The following UQCRB variants were observed in gnomAD, a reference collection of about 807,000 sequenced individuals.
UQCRB encodes the protein cytochrome b-c1 complex subunit 7.
Under a neutral mutation model 19.8 loss-of-function variants are expected in UQCRB, and 12 were observed. That is an observed-to-expected ratio of 0.61 (90% CI 0.39 to 0.98). The LOEUF is 0.98. UQCRB is among the 50% of genes least tolerant of loss of function. The pLI, the probability that UQCRB is intolerant of heterozygous loss-of-function variation, is 0.00. For synonymous variants in UQCRB, 39 were observed against 42.9 expected, an observed-to-expected ratio of 0.91 and a Z score of 0.35; for missense variants, 142 against 131.8, an observed-to-expected ratio of 1.08 and a Z score of -0.38.
In UQCRB at chr8:96,229,521, T is replaced by C. The variant is rs776636532; in HGVS notation, c.*1534A>G. 8 of 453,910 alleles carry C rather than the reference T, an allele frequency of 1.8e-5. No homozygotes were observed. Among genetic ancestry groups the C allele is most frequent in the Middle Eastern group, 6.8e-4 (1 of 1,466 alleles). The allele number at this position is 453,910 out of a possible 1,614,324, so 28.1% of individuals were successfully genotyped here. A position where few individuals can be genotyped will look rare whatever the true frequency, so the allele number is the denominator to read the frequency against. Reference sequence around the variant, plus strand: ...GAGTCCTGCAAACGTGATCTTGAAATCACTATTAAAAGAGCCTTTGCAGAG... The same window carrying C: ...GAGTCCTGCAAACGTGATCTTGAAACCACTATTAAAAGAGCCTTTGCAGAG... On this transcript the variant is annotated 3_prime_UTR_variant, in exon 4 of 4. Coordinates refer to ENST00000287022, the MANE Select transcript of UQCRB (RefSeq NM_006294.5).
intron 1 of UQCRB, chr8:96,233,457 G>A (rs1809724166): frequency 4.1e-6 from 2 of 490,918 alleles, no homozygotes; most frequent in African/African-American, 2.0e-5. Flanking sequence ...TTTTATTTAT[G>A]AGCAAAAGTG....
At position 96,230,023 on chromosome 8, in the gene UQCRB, C is replaced by T. The variant is rs1220913111; in HGVS notation, c.*1032G>A. ...TCTACTAGCTGTGGCTCCACACTCTCACCTCTACCAAAGAAAGCATTTCAG... is the reference window on the plus strand; with the variant it reads ...TCTACTAGCTGTGGCTCCACACTCTTACCTCTACCAAAGAAAGCATTTCAG... On this transcript the variant is annotated 3_prime_UTR_variant, in exon 4 of 4. Transcript: ENST00000287022. 2.2e-6 allele frequency: 1 copy of T among 454,122 alleles called. No individual in the cohort carries two copies. The highest frequency in any genetic ancestry group is 1.6e-5 in the South Asian group (1 of 64,482). The allele number at this position is 454,122 out of a possible 1,614,324, so 28.1% of individuals were successfully genotyped here. A position where few individuals can be genotyped will look rare whatever the true frequency, so the allele number is the denominator to read the frequency against.
chr8:96,235,190 G>A, intron 1 of UQCRB: 1 of 518,228 alleles, frequency 1.9e-6, no homozygotes, highest in Non-Finnish European at 3.5e-6. Context: ...TCATCCACTA[G>A]TTATCCTCTT....
Position 96,228,449 on chromosome 8 carries a change from GT to G in UQCRB, c.*2605del. 1 of 454,078 alleles carries G rather than the reference GT, an allele frequency of 2.2e-6. No homozygotes were observed. The highest frequency in any genetic ancestry group is 1.6e-5 in the South Asian group (1 of 64,482). The allele number at this position is 454,078 out of a possible 1,614,324, so 28.1% of individuals were successfully genotyped here. ...TCCAGCAGGTACTTCACTCAAGGAG[GT>G]GACACCCAAGGGGAGTAGATGAACC... is the stretch of plus-strand genomic sequence containing the variant. On this transcript the variant is annotated 3_prime_UTR_variant, in exon 4 of 4. Coordinates refer to ENST00000287022, the MANE Select transcript of UQCRB (RefSeq NM_006294.5).
In UQCRB at chr8:96,230,529, T is replaced by G. The variant is rs989106374; in HGVS notation, c.*526A>C. On this transcript the variant is annotated 3_prime_UTR_variant, in exon 4 of 4. Transcript: ENST00000287022. ...TATGATTTGTCTTTATACTTTTATT[T>G]TTCTAACATCTTTTTGTTTTCTAGT... 3 of 453,740 alleles carry G rather than the reference T, an allele frequency of 6.6e-6. No individual in the cohort carries two copies. The highest frequency in any genetic ancestry group is 6.0e-5 in the African/African-American group (3 of 49,954). 28.1% of individuals were successfully genotyped at this position (453,740 alleles called of 1,614,324 possible).
Position 96,235,445 on chromosome 8 carries a change from G to C in UQCRB, c.19+67C>G, listed in dbSNP as rs2129831459. The C allele has an allele frequency of 3.1e-6, 5 of 1,610,922 alleles. No homozygotes were observed. The South Asian group carries it at 5.5e-5, about 18-fold the overall frequency. On this transcript the variant is annotated intron_variant, in intron 1 of 3. Transcript: ENST00000287022. ...ACTTACAAAGAAGAGAGAAAACGGAGCAAGCTGCAGCAAAAATAAACGGTG... is the reference window on the plus strand; with the variant it reads ...ACTTACAAAGAAGAGAGAAAACGGACCAAGCTGCAGCAAAAATAAACGGTG...
At position 96,224,554 on chromosome 8, in the gene UQCRB, A is replaced by C. The variant is rs989501129; in HGVS notation, c.*6501T>G. 6.6e-6 allele frequency among the ~76,000 whole-genome samples: 1 copy of C among 152,212 alleles called. No individual in the cohort carries two copies. The highest frequency in any genetic ancestry group is 6.5e-5 in the Admixed American group (1 of 15,280). The stretch of plus-strand genomic sequence containing the variant: ...ACAGCCAACGTCTCACAGAATGAGA[A>C]GCCACAGAAGGGGCTGATTACCAGG... On this transcript the variant is annotated 3_prime_UTR_variant, in exon 4 of 4. Transcript: ENST00000287022.
At chr8:96,234,475 C>T in intron 1 of UQCRB, 1 of 1,288,324 alleles carries the variant, frequency 7.8e-7, no homozygotes. Flanking sequence ...GAGATCTGGT[C>T]TATGTAGTTC....
At chr8:96,231,448 G>A in intron 3 of UQCRB, 3 of 1,535,852 alleles carry the variant, frequency 2.0e-6, no homozygotes, top group Non-Finnish European at 2.6e-6. Context: ...GGGATCTGGA[G>A]GGACACTCAA....
At position 96,229,935 on chromosome 8, in the gene UQCRB, T is replaced by C; in HGVS notation, c.*1120A>G. 2.2e-6 allele frequency: 1 copy of C among 454,172 alleles called. No homozygotes were observed. Among genetic ancestry groups the C allele is most frequent in the Non-Finnish European group, 4.4e-6 (1 of 226,800 alleles). 28.1% of individuals were successfully genotyped at this position (454,172 alleles called of 1,614,324 possible). On this transcript the variant is annotated 3_prime_UTR_variant, in exon 4 of 4. Transcript: ENST00000287022. ...TTTGTTATTTGAGGTAAGGCATTCC[T>C]GCCACACACAGCAATGACTTGTCCT...
In UQCRB at chr8:96,229,639, A is replaced by G; in HGVS notation, c.*1416T>C. ...TGGCCTCCTTCTGCAAAGTAGGACT[A>G]CATTAAAACCTTGTCACAATGTGAC... On this transcript the variant is annotated 3_prime_UTR_variant, in exon 4 of 4. Coordinates refer to ENST00000287022, the MANE Select transcript of UQCRB (RefSeq NM_006294.5). The G allele has an allele frequency of 2.2e-6, 1 of 454,104 alleles. No individual in the cohort carries two copies. Among genetic ancestry groups the G allele is most frequent in the Non-Finnish European group, 4.4e-6 (1 of 226,792 alleles). The allele number at this position is 454,104 out of a possible 1,614,324, so 28.1% of individuals were successfully genotyped here. A position where few individuals can be genotyped will look rare whatever the true frequency, so the allele number is the denominator to read the frequency against.
chr8:96,231,399 G>T, intron 3 of UQCRB: 1 of 1,537,806 alleles, frequency 6.5e-7, no homozygotes, highest in Non-Finnish European at 8.7e-7. Context: ...TTTCAATGCA[G>T]TTCAAGGGGT....
At position 96,228,858 on chromosome 8, in the gene UQCRB, C is replaced by T. The variant is rs1429094219; in HGVS notation, c.*2197G>A. ...GGACAATGTAGACCAGACTACAGGA[C>T]AATGTAGATTTGGTCTACAGGACAA... On this transcript the variant is annotated 3_prime_UTR_variant, in exon 4 of 4. Coordinates refer to ENST00000287022, the MANE Select transcript of UQCRB (RefSeq NM_006294.5). The T allele has an allele frequency of 1.1e-5, 5 of 453,932 alleles. No homozygotes were observed. Among genetic ancestry groups the T allele is most frequent in the African/African-American group, 1.0e-4 (5 of 49,984 alleles). The allele number at this position is 453,932 out of a possible 1,614,324, so 28.1% of individuals were successfully genotyped here.
Position 96,225,287 on chromosome 8 carries a change from C to G in UQCRB, c.*5768G>C, listed in dbSNP as rs531288381. On this transcript the variant is annotated 3_prime_UTR_variant, in exon 4 of 4. Coordinates refer to ENST00000287022, the MANE Select transcript of UQCRB (RefSeq NM_006294.5). ...ACAAGAAACTCTCCAACCAAATTCA[C>G]AAAGATTGCTTTTAATGAGAGCACT... 1.3e-5 allele frequency among the ~76,000 whole-genome samples: 2 copies of G among 152,316 alleles called. No individual in the cohort carries two copies. The highest frequency in any genetic ancestry group is 4.1e-4 in the South Asian group (2 of 4,830).
At position 96,228,827 on chromosome 8, in the gene UQCRB, T is replaced by G; in HGVS notation, c.*2228A>C. 2.2e-6 allele frequency: 1 copy of G among 454,046 alleles called. No homozygotes were observed. The highest frequency in any genetic ancestry group is 4.4e-6 in the Non-Finnish European group (1 of 226,780). 28.1% of individuals were successfully genotyped at this position (454,046 alleles called of 1,614,324 possible). ...AGCTCTGAATCACTCTACCATTCGG[T>G]CTACAGGACAATGTAGACCAGACTA... On this transcript the variant is annotated 3_prime_UTR_variant, in exon 4 of 4. Coordinates refer to ENST00000287022, the MANE Select transcript of UQCRB (RefSeq NM_006294.5).
In UQCRB at chr8:96,229,813, A is replaced by G. The variant is rs1213162455; in HGVS notation, c.*1242T>C. On this transcript the variant is annotated 3_prime_UTR_variant, in exon 4 of 4. Transcript: ENST00000287022. Reference sequence around the variant, plus strand: ...GGTTCCTAGAGAATTTAAGAGGCTAATATTTTAGCAAAAATTTAAAGATGC... The same window carrying G: ...GGTTCCTAGAGAATTTAAGAGGCTAGTATTTTAGCAAAAATTTAAAGATGC... 4 of 453,776 alleles carry G rather than the reference A, an allele frequency of 8.8e-6. No homozygotes were observed. Among genetic ancestry groups the G allele is most frequent in the Non-Finnish European group, 1.3e-5 (3 of 226,764 alleles). The allele number at this position is 453,776 out of a possible 1,614,324, so 28.1% of individuals were successfully genotyped here.
rs779989917 is a variant in UQCRB, at chr8:96,231,090, C to G, written c.301G>C (p.Glu101Gln). The change falls in exon 4 of 4, where the codon GAA (glutamate) becomes CAA (glutamine). Residue 101 changes from glutamate to glutamine, a missense_variant. By Grantham distance (29) the Glu-to-Gln change is conservative (BLOSUM62 2). This residue lies in a region of UQCRB where 10 missense variants were observed against 24.4 expected (regional missense o/e 0.41). Transcript: ENST00000287022. ...GCCCATTCTTCTCTTTCTTTTCTTT[C>G]CCGAATAACCTCTTTCAGATACGGT... Reference protein sequence around the residue: ...LEPYLKEVIRERKEREEWAKK With the variant: ...LEPYLKEVIRQRKEREEWAKK 4 of 1,613,930 alleles carry G rather than the reference C, an allele frequency of 2.5e-6. No homozygotes were observed. Among genetic ancestry groups the G allele is most frequent in the Admixed American group, 1.7e-5 (1 of 60,030 alleles).
intron 2 of UQCRB, 63 bp downstream of exon 2, chr8:96,233,093 A>G: frequency 6.7e-7 from 1 of 1,502,490 alleles, no homozygotes; most frequent in Non-Finnish European, 9.1e-7. Context: ...TCTCAGAAAA[A>G]CAAAAAAAAA....
At position 96,230,572 on chromosome 8, in the gene UQCRB, A is replaced by C. The variant is rs146334841; in HGVS notation, c.*483T>G. Reference sequence around the variant, plus strand: ...TTTCTAGTATACATGTTAGCACAGGAGTATGTATATTACTTAAGTATGCCT... The same window carrying C: ...TTTCTAGTATACATGTTAGCACAGGCGTATGTATATTACTTAAGTATGCCT... On this transcript the variant is annotated 3_prime_UTR_variant, in exon 4 of 4. Coordinates refer to ENST00000287022, the MANE Select transcript of UQCRB (RefSeq NM_006294.5). The C allele has an allele frequency of 1.5e-5, 7 of 454,434 alleles. No individual in the cohort carries two copies. In the East Asian group the frequency reaches 4.9e-4, roughly 32 times the overall value. The allele number at this position is 454,434 out of a possible 1,614,324, so 28.2% of individuals were successfully genotyped here. A position where few individuals can be genotyped will look rare whatever the true frequency, so the allele number is the denominator to read the frequency against.
Sources: allele counts gnomAD v4.1 joint callset (sites outside exome capture counted in the v4.1 genomes callset), GRCh38; gene constraint gnomAD v4.1.1; regional missense constraint gnomAD v4.1.1; transcripts MANE v1.5; gene names NCBI Gene and HGNC (gene_info 2026-07-23, HGNC 2026-07-21).